Variants in DGKQ observed in about 807,000 individuals in gnomAD.
DGKQ encodes the protein diacylglycerol kinase theta, also known as DAG kinase theta.
DGKQ carries 97 observed loss-of-function variants against 104.2 expected under a neutral mutation model. The observed-to-expected ratio is 0.93, with a 90% CI of 0.79 to 1.10. DGKQ has a LOEUF of 1.10. Ranked by LOEUF, DGKQ falls within the 50% of genes least tolerant of loss-of-function variation. The pLI is 0.00. For synonymous variants in DGKQ, 736 were observed against 595.2 expected (o/e 1.24, Z -3.44); for missense variants, 1,465 against 1,352.1 (o/e 1.08, Z -1.31).
Position 960,715 on chromosome 4 carries a change from TG to T in DGKQ, c.2733del (p.His911GlnfsTer3). 6.2e-7 allele frequency: 1 copy of T among 1,611,808 alleles called. No homozygotes were observed. The highest frequency in any genetic ancestry group is 1.3e-5 in the African/African-American group (1 of 74,902). ...MIISAAGPKV[H>X]MLRKAKQKPR... ...GGCTTCTGCTTGGCCTTCCTCAGCA[TG>T]TGCACCTGTCCCAGGGCAGGGGACA... On this transcript the variant is annotated frameshift_variant, in exon 23 of 23. Coordinates refer to ENST00000273814, the MANE Select transcript of DGKQ (RefSeq NM_001347.4). LOFTEE classifies it low-confidence loss of function (END_TRUNC).
At chr4:961,229 A>C in intron 21 of DGKQ, 28 bp from the exon 22 acceptor site, 2 of 1,508,772 alleles carry the variant, frequency 1.3e-6, no homozygotes, top group Non-Finnish European at 8.9e-7. Flanking sequence ...AGCCGGGCTC[A>C]GCGGGGATCA....
intron 18 of DGKQ, 31 bp downstream of exon 18, chr4:962,404 G>A (rs775039895): frequency 4.6e-6 from 7 of 1,529,314 alleles, no homozygotes; most frequent in Non-Finnish European, 6.1e-6. Context: ...GCAGGAGCCT[G>A]GAAGGCACCC....
At position 968,468 on chromosome 4, in the gene DGKQ, G is replaced by GGTGT. The variant is rs1560519116; in HGVS notation, c.537+10_537+11insACAC. The GGTGT allele has an allele frequency of 6.2e-7, 1 of 1,601,198 alleles. No homozygotes were observed. Among genetic ancestry groups the GGTGT allele is most frequent in the Non-Finnish European group, 8.5e-7 (1 of 1,174,452 alleles). ...CCACCCCCCAGGGCTCCCTGGGGCC[G>GGTGT]GTACACTCACGTGATCCTGGTGCCC... is the stretch of plus-strand genomic sequence containing the variant. On this transcript the variant is annotated intron_variant, in intron 4 of 22. Coordinates refer to ENST00000273814, the MANE Select transcript of DGKQ (RefSeq NM_001347.4).
Position 971,487 on chromosome 4 carries a change from C to T in DGKQ, c.272-415G>A, listed in dbSNP as rs967281840. On this transcript the variant is annotated intron_variant, in intron 1 of 22. Coordinates refer to ENST00000273814, the MANE Select transcript of DGKQ (RefSeq NM_001347.4). This position sits in a 1 kb window ranked among gnomAD's most constrained non-coding sequence, Gnocchi z 4.0. Reference sequence around the variant, plus strand: ...TCTGTGTCTCACTCCCCCGAAACTACGCATACCCCTAATTGTCCCTGCTAC... The same window carrying T: ...TCTGTGTCTCACTCCCCCGAAACTATGCATACCCCTAATTGTCCCTGCTAC... 3.3e-5 allele frequency among the ~76,000 whole-genome samples: 5 copies of T among 152,216 alleles called. No individual in the cohort carries two copies. Among genetic ancestry groups the T allele is most frequent in the South Asian group, 2.1e-4 (1 of 4,832 alleles).
In DGKQ at chr4:959,653, C is replaced by G. The variant is rs1318863177; in HGVS notation, c.*967G>C. 6.6e-6 allele frequency: 1 copy of G among 152,406 alleles called. No individual in the cohort carries two copies. The highest frequency in any genetic ancestry group is 1.5e-5 in the Non-Finnish European group (1 of 68,150). 9.4% of individuals were successfully genotyped at this position (152,406 alleles called of 1,614,324 possible). A position where few individuals can be genotyped will look rare whatever the true frequency, so the allele number is the denominator to read the frequency against. On this transcript the variant is annotated 3_prime_UTR_variant, in exon 23 of 23. Transcript: ENST00000273814. ...CACACAGGCACTGGGAACTGCACATCAACAGCGGGCAAGCAGCGTGGAAAG... is the reference window on the plus strand; with the variant it reads ...CACACAGGCACTGGGAACTGCACATGAACAGCGGGCAAGCAGCGTGGAAAG...
Position 968,513 on chromosome 4 carries a change from C to A in DGKQ, c.503G>T (p.Cys168Phe). 6.2e-7 allele frequency: 1 copy of A among 1,608,918 alleles called. No homozygotes were observed. Among genetic ancestry groups the A allele is most frequent in the South Asian group, 1.1e-5 (1 of 90,538 alleles). The change falls in exon 4 of 23, where the codon TGC becomes TTC. Residue 168 changes from cysteine to phenylalanine, a missense_variant. Physicochemically the swap from Cys to Phe is radical, Grantham distance 205. Coordinates refer to ENST00000273814, the MANE Select transcript of DGKQ (RefSeq NM_001347.4). ...PDCVPFACSDCRQCHQDGHQD... is the reference protein window; with the variant it reads ...PDCVPFACSDFRQCHQDGHQD... ...GTGCCCATCCTGGTGGCACTGGCGG[C>A]AGTCACTGCAGGCGAAGGGCACACA...
Position 968,362 on chromosome 4 carries a change from C to T in DGKQ, c.583G>A (p.Ala195Thr). ...GTCTTCCTGCAGACCTCGCAGCGCG[C>T]TCCCGAGGGCAGGTTCCCCTCCCGC... ...HWREGNLPSG[A>T]RCEVCRKTCG... The change falls in exon 5 of 23, where the codon GCG becomes ACG. Residue 195 changes from alanine to threonine, a missense_variant. Coordinates refer to ENST00000273814, the MANE Select transcript of DGKQ (RefSeq NM_001347.4). 1.9e-6 allele frequency: 3 copies of T among 1,553,680 alleles called. No homozygotes were observed. The highest frequency in any genetic ancestry group is 2.6e-6 in the Non-Finnish European group (3 of 1,151,348).
In DGKQ at chr4:965,211, G is replaced by A. The variant is rs1180775609; in HGVS notation, c.1699C>T (p.Arg567Trp). ...GGGAGCACCAGGGCAGTGAGCAGCCGGCCCCGCACAGCCATGTCCTTCAGC... is the reference window on the plus strand; with the variant it reads ...GGGAGCACCAGGGCAGTGAGCAGCCAGCCCCGCACAGCCATGTCCTTCAGC... ...MLLKDMAVRG[R>W]LLTALVLPDL... The change falls in exon 15 of 23, where the codon CGG becomes TGG. Residue 567 changes from arginine (R) to tryptophan (W), a missense_variant. Transcript: ENST00000273814. 7 of 1,612,542 alleles carry A rather than the reference G, an allele frequency of 4.3e-6. No individual in the cohort carries two copies. The Admixed American group carries it at 5.0e-5, about 12-fold the overall frequency.
At position 960,407 on chromosome 4, in the gene DGKQ, C is replaced by G. The variant is rs1711787483; in HGVS notation, c.*213G>C. Reference sequence around the variant, plus strand: ...AACACTGCCACCCGCACACCAGTCTCCAGTGGGATGAGGGCTGTGACACCA... The same window carrying G: ...AACACTGCCACCCGCACACCAGTCTGCAGTGGGATGAGGGCTGTGACACCA... On this transcript the variant is annotated 3_prime_UTR_variant, in exon 23 of 23. Transcript: ENST00000273814. 4 of 591,070 alleles carry G rather than the reference C, an allele frequency of 6.8e-6. No individual in the cohort carries two copies. The highest frequency in any genetic ancestry group is 1.2e-5 in the Non-Finnish European group (4 of 329,740). The allele number at this position is 591,070 out of a possible 1,614,324, so 36.6% of individuals were successfully genotyped here.
chr4:967,904 G>C lies in DGKQ; in HGVS notation c.787C>G (p.Arg263Gly). The C allele has an allele frequency of 6.9e-7, 1 of 1,456,244 alleles. No homozygotes were observed. The highest frequency in any genetic ancestry group is 9.0e-7 in the Non-Finnish European group (1 of 1,112,678). The allele number at this position is 1,456,244 out of a possible 1,614,324, so 90.2% of individuals were successfully genotyped here. ...CCCGGCTCCGCGGCCTCCACGATGC[G>C]GAAGCTCTGCGTCTTGCTGAAGCCG... is the stretch of plus-strand genomic sequence containing the variant. ...PGGFSKTQSFRIVEAAEPGEG... is the reference protein window; with the variant it reads ...PGGFSKTQSFGIVEAAEPGEG... Residue 263 changes from arginine to glycine, a missense_variant, in exon 6 of 23, where the codon CGC (arginine) becomes GGC (glycine). Transcript: ENST00000273814.
At chr4:966,701 C>G in intron 11 of DGKQ, 47 bp downstream of exon 11, 1 of 1,578,840 alleles carries the variant, frequency 6.3e-7, no homozygotes, top group South Asian at 1.1e-5. Context: ...AGGTCCAAAC[C>G]CAAAAGGTGC....
chr4:964,278 A>T (rs1057104168), intron 15 of DGKQ, among the ~76,000 whole-genome samples: 6 of 152,210 alleles, frequency 3.9e-5, no homozygotes, highest in African/African-American at 1.4e-4. Flanking sequence ...CTCCCGTCCC[A>T]GCCACAGACA....
chr4:970,646 G>C (rs576973340), intron 2 of DGKQ, among the ~76,000 whole-genome samples: 1 of 152,162 alleles, frequency 6.6e-6, no homozygotes, highest in African/African-American at 2.4e-5. Context: ...GCCAGATGCC[G>C]AAATCTCCAT....
At position 963,241 on chromosome 4, in the gene DGKQ, G is replaced by C. The variant is rs759055337; in HGVS notation, c.1784C>G (p.Pro595Arg). Residue 595 changes from proline to arginine, a missense_variant, in exon 16 of 23, where the codon CCC (proline) becomes CGC (arginine). Coordinates refer to ENST00000273814, the MANE Select transcript of DGKQ (RefSeq NM_001347.4). ...DSCPLLVFVN[P>R]KSGGLKGRDL... ...TCGGCCCTTGAGGCCTCCACTCTTG[G>C]GGTTCACGAACACAAGGAGGGGACA... The C allele has an allele frequency of 1.9e-6, 3 of 1,611,160 alleles. No homozygotes were observed. Among genetic ancestry groups the C allele is most frequent in the Admixed American group, 1.7e-5 (1 of 59,958 alleles).
chr4:964,277 C>T (rs1712119542), intron 15 of DGKQ, among the ~76,000 whole-genome samples: 1 of 152,220 alleles, frequency 6.6e-6, no homozygotes, highest in Non-Finnish European at 1.5e-5. Context: ...TCTCCCGTCC[C>T]AGCCACAGAC....
rs753972415 is a variant in DGKQ at position 967,811 on chromosome 4, C to T, written c.812-9G>A. ...GCCGTCGCCCCCCTCGCCTGCGGGT[C>T]GGGCACACGGACCCCTCATTCAGTG... On this transcript the variant is annotated splice_polypyrimidine_tract_variant and intron_variant, in intron 6 of 22. Transcript: ENST00000273814. 3 of 1,589,480 alleles carry T rather than the reference C, an allele frequency of 1.9e-6. No homozygotes were observed. The highest frequency in any genetic ancestry group is 1.1e-5 in the South Asian group (1 of 88,410).
Position 971,079 on chromosome 4 carries a change from G to T in DGKQ, c.272-7C>A. 1.3e-6 allele frequency: 2 copies of T among 1,554,822 alleles called. No homozygotes were observed. The highest frequency in any genetic ancestry group is 2.4e-5 in the East Asian group (1 of 41,876). On this transcript the variant is annotated splice_polypyrimidine_tract_variant and splice_region_variant and intron_variant, in intron 1 of 22. Coordinates refer to ENST00000273814, the MANE Select transcript of DGKQ (RefSeq NM_001347.4). The surrounding 1 kb of genome is among the most constrained non-coding windows in gnomAD (Gnocchi z 4.0). ...TGAGACATGAAATTGCAGACTGTGGGAATGAGCACTGTGTGAGTTGGCCCC... is the reference window on the plus strand; with the variant it reads ...TGAGACATGAAATTGCAGACTGTGGTAATGAGCACTGTGTGAGTTGGCCCC...
chr4:966,217 A>G, intron 12 of DGKQ, 139 bp from the exon 13 acceptor site: 1 of 1,009,398 alleles, frequency 9.9e-7, no homozygotes, highest in South Asian at 1.6e-5. Context: ...AAACGAGGAA[A>G]GGGGCCACAG....
At position 973,351 on chromosome 4, in the gene DGKQ, T is replaced by TCCCGGCCCCGGC. The variant is rs920248569; in HGVS notation, c.120_131dup (p.Gly42_Pro45dup). 43 of 1,271,768 alleles carry TCCCGGCCCCGGC rather than the reference T, an allele frequency of 3.4e-5. No individual in the cohort carries two copies. The highest frequency in any genetic ancestry group is 4.2e-5 in the Non-Finnish European group (42 of 1,003,816). 78.8% of individuals were successfully genotyped at this position (1,271,768 alleles called of 1,614,324 possible). A position where few individuals can be genotyped will look rare whatever the true frequency, so the allele number is the denominator to read the frequency against. On this transcript the variant is annotated inframe_insertion, in exon 1 of 23. Coordinates refer to ENST00000273814, the MANE Select transcript of DGKQ (RefSeq NM_001347.4). ...GGGCTCTGACGCCCGCCCGCTCGGG[T>TCCCGGCCCCGGC]CCCGGCCCCGGCCCCGGCCCCGGGC... is the stretch of plus-strand genomic sequence containing the variant.
Sources: gnomAD v4.1 joint callset for allele counts (sites outside exome capture counted in the v4.1 genomes callset) on GRCh38, gnomAD v4.1.1 for gene constraint, Gnocchi (gnomAD v3.1) non-coding constraint, MANE v1.5 for transcripts, NCBI Gene and HGNC (gene_info 2026-07-23, HGNC 2026-07-21) for gene names.